Variants in LRP1B observed in about 807,000 individuals in gnomAD.
LRP1B encodes the protein LDL receptor related protein 1B.
Under a neutral mutation model 556.6 loss-of-function variants are expected in LRP1B, and 217 were observed. That is an observed-to-expected ratio of 0.39 (90% CI 0.35 to 0.44). The LOEUF (loss-of-function observed/expected upper bound fraction) is 0.44, where lower values mean the gene tolerates loss of function less well. LRP1B is among the 20% of genes least tolerant of loss of function. The pLI is 1.00. For synonymous variants in LRP1B, 2,047 were observed against 1,865.8 expected, an observed-to-expected ratio of 1.10 and a Z score of -2.50; for missense variants, 5,053 against 5,620.8, an observed-to-expected ratio of 0.90 and a Z score of 3.23.
intron 5 of LRP1B, among the ~76,000 whole-genome samples, chr2:141,234,057 T>C (rs1297516931): frequency 3.9e-5 from 6 of 152,086 alleles, no homozygotes; most frequent in African/African-American, 1.4e-4. Flanking sequence ...ATGACTTGCA[T>C]ATAAAGTACA....
chr2:140,508,774 A>C (rs1391218680), intron 52 of LRP1B, among the ~76,000 whole-genome samples: 1 of 152,170 alleles, frequency 6.6e-6, no homozygotes, highest in South Asian at 2.1e-4. Context: ...ATTTTAACGG[A>C]ATGTACTTAA....
chr2:140,600,763 CG>C (rs1558996093), intron 42 of LRP1B, among the ~76,000 whole-genome samples: 12 of 51,642 alleles, frequency 2.3e-4, no homozygotes, highest in African/African-American at 7.4e-4. Context: ...CTTTGTTCTT[CG>C]GGGTTTTTTT....
In LRP1B at chr2:140,233,043, CA is replaced by C; in HGVS notation, c.*142del. 3.8e-6 allele frequency: 2 copies of C among 529,938 alleles called. No individual in the cohort carries two copies. The highest frequency in any genetic ancestry group is 5.4e-5 in the South Asian group (1 of 18,418). 32.8% of individuals were successfully genotyped at this position (529,938 alleles called of 1,614,324 possible). A position where few individuals can be genotyped will look rare whatever the true frequency, so the allele number is the denominator to read the frequency against. Reference sequence around the variant, plus strand: ...ATAGTCATCAGCAAAAAATAAAACCCAAAAAACTCAGAAAACAATTAACCAG... The same window carrying C: ...ATAGTCATCAGCAAAAAATAAAACCCAAAAACTCAGAAAACAATTAACCAG... On this transcript the variant is annotated 3_prime_UTR_variant, in exon 91 of 91. Coordinates refer to ENST00000389484, the MANE Select transcript of LRP1B (RefSeq NM_018557.3).
At chr2:140,705,808 C>G (rs979975168) in intron 37 of LRP1B, among the ~76,000 whole-genome samples, 1 of 151,942 alleles carries the variant, frequency 6.6e-6, no homozygotes, top group African/African-American at 2.4e-5. Flanking sequence ...TATGTGAAGC[C>G]AAATCTTTCT....
intron 43 of LRP1B, among the ~76,000 whole-genome samples, chr2:140,549,508 A>G (rs1452604594): frequency 6.6e-6 from 1 of 152,162 alleles, no homozygotes; most frequent in Non-Finnish European, 1.5e-5. Flanking sequence ...ACTCACTGCA[A>G]CTTTCTCATT....
chr2:140,262,713 G>C (rs1029325882), intron 86 of LRP1B, among the ~76,000 whole-genome samples: 1 of 152,136 alleles, frequency 6.6e-6, no homozygotes, highest in African/African-American at 2.4e-5. Context: ...CTTCTAAAGG[G>C]GGGGAGTCCC....
At chr2:140,953,793 CTG>C (rs1171612418) in intron 18 of LRP1B, among the ~76,000 whole-genome samples, 1 of 152,116 alleles carries the variant, frequency 6.6e-6, no homozygotes, top group Non-Finnish European at 1.5e-5. Context: ...GCAACTGAAA[CTG>C]AGAGAAATTA....
chr2:141,169,058 G>A (rs923800768), intron 7 of LRP1B, among the ~76,000 whole-genome samples: 2 of 151,908 alleles, frequency 1.3e-5, no homozygotes, highest in African/African-American at 4.8e-5. Flanking sequence ...GGCCAATGTG[G>A]GTGAATCACC....
intron 3 of LRP1B, among the ~76,000 whole-genome samples, chr2:141,333,154 C>A (rs932412561): frequency 1.3e-5 from 2 of 152,076 alleles, no homozygotes; most frequent in African/African-American, 2.4e-5. Context: ...ACATAACATT[C>A]CCAAACACAC....
intron 3 of LRP1B, among the ~76,000 whole-genome samples, chr2:141,463,550 TATATATAATATATA>T (rs1682003499): frequency 5.7e-5 from 1 of 17,560 alleles, no homozygotes; most frequent in South Asian, 7.4e-4. Flanking sequence ...TATATATAAT[TATATATAATATATA>T]TTATATATTA....
chr2:141,243,989 A>G (rs1683978779), intron 5 of LRP1B, among the ~76,000 whole-genome samples: 1 of 152,216 alleles, frequency 6.6e-6, no homozygotes. Context: ...AGGAATAATC[A>G]ATTAACTTAG....
intron 2 of LRP1B, among the ~76,000 whole-genome samples, chr2:141,647,382 GTCTA>G (rs1416134153): frequency 2.0e-5 from 3 of 152,256 alleles, no homozygotes; most frequent in South Asian, 2.1e-4. Flanking sequence ...AGGAGAAATT[GTCTA>G]TTGTTTAAGT....
intron 3 of LRP1B, among the ~76,000 whole-genome samples, chr2:141,465,111 A>G (rs1009830515): frequency 6.6e-6 from 1 of 151,632 alleles, no homozygotes; most frequent in African/African-American, 2.4e-5. Flanking sequence ...TAAAACAGAA[A>G]GAAAGTATAC....
chr2:141,792,761 G>C (rs1024758110), intron 2 of LRP1B, among the ~76,000 whole-genome samples: 2 of 151,882 alleles, frequency 1.3e-5, no homozygotes, highest in Admixed American at 6.6e-5. Flanking sequence ...CAGACCACAG[G>C]GAACGAATAG....
chr2:140,329,655 AG>A (rs1202514249), intron 79 of LRP1B, among the ~76,000 whole-genome samples: 2 of 152,060 alleles, frequency 1.3e-5, no homozygotes, highest in African/African-American at 4.8e-5. Context: ...GTTGCTACAA[AG>A]ACAATAAAAT....
intron 1 of LRP1B, among the ~76,000 whole-genome samples, chr2:141,890,582 C>T (rs1245020011): frequency 6.6e-6 from 1 of 151,780 alleles, no homozygotes; most frequent in Non-Finnish European, 1.5e-5. Flanking sequence ...ATTGTCAACT[C>T]AACCATGACT....
intron 2 of LRP1B, among the ~76,000 whole-genome samples, chr2:141,541,708 G>A (rs767767168): frequency 3.9e-5 from 6 of 151,970 alleles, no homozygotes; most frequent in Non-Finnish European, 5.9e-5. Context: ...CTTGGAGTAC[G>A]TCTCTGGCTA....
intron 62 of LRP1B, among the ~76,000 whole-genome samples, chr2:140,451,585 A>T (rs945151332): frequency 6.6e-6 from 1 of 152,170 alleles, no homozygotes; most frequent in Non-Finnish European, 1.5e-5. Context: ...AGATTCCTGA[A>T]CACTGAAAAT....
At chr2:140,698,146 C>T (rs1175208384) in intron 41 of LRP1B, among the ~76,000 whole-genome samples, 1 of 151,798 alleles carries the variant, frequency 6.6e-6, no homozygotes, top group Non-Finnish European at 1.5e-5. Flanking sequence ...CAATTCATGC[C>T]ATACTACCTG....
Sources: gnomAD v4.1 joint callset for allele counts (sites outside exome capture counted in the v4.1 genomes callset) on GRCh38, gnomAD v4.1.1 for gene constraint, MANE v1.5 for transcripts, NCBI Gene and HGNC (gene_info 2026-07-23, HGNC 2026-07-21) for gene names.